The following ANKRD30B variants were observed in gnomAD, a reference collection of about 807,000 sequenced individuals.
The protein encoded by ANKRD30B is ankyrin repeat domain-containing protein 30B.
In ANKRD30B, 144 loss-of-function variants were observed where a neutral mutation model predicts 202.2. That is an observed-to-expected ratio of 0.71 (90% CI 0.62 to 0.82). The LOEUF is 0.82. Among genes scored for constraint, ANKRD30B ranks in the 40% least tolerant of loss-of-function variants. The pLI is 0.00. For missense variants in ANKRD30B, 1,487 were observed against 1,669.1 expected (o/e 0.89, Z 1.90); for synonymous variants, 508 against 561.3 (o/e 0.91, Z 1.34).
At chr18:14,789,236 G>A (rs1384507844) in intron 15 of ANKRD30B, among the ~76,000 whole-genome samples, 4 of 151,968 alleles carry the variant, frequency 2.6e-5, no homozygotes, top group Non-Finnish European at 5.9e-5. Flanking sequence ...CTTTTTGATG[G>A]GGTTGTTTTA....
chr18:14,866,851 G>T, the ANKRD30B span, among the ~76,000 whole-genome samples: 1 of 151,986 alleles, frequency 6.6e-6, no homozygotes. Context: ...GTGCGCTGTC[G>T]TGCACTACCA....
chr18:14,859,930 G>A, the ANKRD30B span, among the ~76,000 whole-genome samples: 81 of 124,390 alleles, frequency 6.5e-4, no homozygotes, highest in Non-Finnish European at 1.2e-3. Flanking sequence ...CAGATGATGG[G>A]CAGCTGGAGG....
chr18:14,889,941 C>T, the ANKRD30B span: 1 of 675,824 alleles, frequency 1.5e-6, no homozygotes, highest in Non-Finnish European at 2.6e-6. Flanking sequence ...GATATTTCGA[C>T]AAAAATGAGT....
the ANKRD30B span, among the ~76,000 whole-genome samples, chr18:14,871,295 G>A: frequency 1.4e-5 from 2 of 139,896 alleles, no homozygotes; most frequent in Non-Finnish European, 3.1e-5. Context: ...CCTAGAGCTG[G>A]GTCACATACC....
chr18:14,821,353 C>T (rs1020684248), intron 30 of ANKRD30B, among the ~76,000 whole-genome samples: 4 of 151,952 alleles, frequency 2.6e-5, no homozygotes, highest in African/African-American at 9.7e-5. Flanking sequence ...TTTTTTGTGT[C>T]TCTATTTCCT....
the ANKRD30B span, among the ~76,000 whole-genome samples, chr18:14,889,356 C>T: frequency 6.6e-6 from 1 of 152,070 alleles, no homozygotes. Flanking sequence ...ATGGAAGATA[C>T]AAGGTTAATT....
the ANKRD30B span, among the ~76,000 whole-genome samples, chr18:14,860,346 C>T: frequency 1.9e-4 from 19 of 101,738 alleles, 1 homozygote; most frequent in African/African-American, 3.5e-4. Flanking sequence ...ACTTCCCAGA[C>T]AGGGCTGCCG....
chr18:14,899,470 A>G, the ANKRD30B span, among the ~76,000 whole-genome samples: 1 of 152,164 alleles, frequency 6.6e-6, no homozygotes. Flanking sequence ...ACTTATTTTT[A>G]CAATTTATTT....
chr18:14,805,528 A>G lies in ANKRD30B; in HGVS notation c.2284+1704A>G, dbSNP rs553082162. 6.6e-5 allele frequency among the ~76,000 whole-genome samples: 10 copies of G among 150,438 alleles called. No homozygotes were observed. The East Asian group carries it at 1.4e-3, about 21-fold the overall frequency. ...AAATCAATGAATATTTATATTTAGT[A>G]TTATGCTCCAAGTATATATCCAAGC... On this transcript the variant is annotated intron_variant, in intron 24 of 43. Transcript: ENST00000690538.
At chr18:14,771,910 A>G (rs1967026459) in intron 8 of ANKRD30B, among the ~76,000 whole-genome samples, 3 of 152,180 alleles carry the variant, frequency 2.0e-5, no homozygotes. Context: ...ACTAAGAGTC[A>G]GTCTTTATTG....
chr18:14,863,387 G>A, the ANKRD30B span, among the ~76,000 whole-genome samples: 97 of 152,132 alleles, frequency 6.4e-4, no homozygotes, highest in African/African-American at 1.8e-3. Flanking sequence ...ACAGCCTGCC[G>A]TGTTCCCCTT....
intron 15 of ANKRD30B, among the ~76,000 whole-genome samples, 171 bp from the exon 16 acceptor site, chr18:14,791,230 T>C (rs1968482724): frequency 2.0e-5 from 3 of 152,194 alleles, no homozygotes; most frequent in Admixed American, 1.3e-4. Flanking sequence ...GTGGGATTGA[T>C]GGTGATTTCT....
the ANKRD30B span, among the ~76,000 whole-genome samples, chr18:14,869,867 C>T: frequency 6.6e-6 from 1 of 152,022 alleles, no homozygotes; most frequent in East Asian, 1.9e-4. Flanking sequence ...TGGGGTCTCA[C>T]TCTGTCGCCC....
At chr18:14,928,669 G>T in the ANKRD30B span, among the ~76,000 whole-genome samples, 2 of 152,184 alleles carry the variant, frequency 1.3e-5, no homozygotes, top group South Asian at 4.1e-4. Context: ...GATTGCAGAT[G>T]GAAGACTGTG....
intron 16 of ANKRD30B, among the ~76,000 whole-genome samples, chr18:14,792,226 C>G (rs1207095131): frequency 1.3e-5 from 2 of 152,130 alleles, no homozygotes; most frequent in African/African-American, 2.4e-5. Flanking sequence ...GCTGGTGGTC[C>G]TAGGACCTTG....
At chr18:14,849,479 T>A (rs1192501929) in intron 40 of ANKRD30B, among the ~76,000 whole-genome samples, 9 of 151,776 alleles carry the variant, frequency 5.9e-5, no homozygotes, top group African/African-American at 1.9e-4. Flanking sequence ...GCATGGAATA[T>A]AAAGAAAATA....
In ANKRD30B at chr18:14,809,224, A is replaced by C. The variant is rs533896537; in HGVS notation, c.2386+480A>C. On this transcript the variant is annotated intron_variant, in intron 26 of 43. Coordinates refer to ENST00000690538, the MANE Select transcript of ANKRD30B (RefSeq NM_001367607.2). ...ATGGGGATGAAGTAATTCTTTAACT[A>C]ACATCTGTATGCAGAAATACAGTAC... Among the ~76,000 whole-genome samples, 82 of 151,166 alleles carry C rather than the reference A, an allele frequency of 5.4e-4. 5 individuals are homozygous for C. The highest frequency in any genetic ancestry group is 2.0e-3 in the African/African-American group (82 of 40,980).
At chr18:14,909,013 C>T in the ANKRD30B span, among the ~76,000 whole-genome samples, 37 of 152,256 alleles carry the variant, frequency 2.4e-4, no homozygotes, top group South Asian at 5.0e-3. Context: ...GGGAAGCTGT[C>T]GGAGGATGTG....
chr18:14,864,639 CA>C, the ANKRD30B span, among the ~76,000 whole-genome samples: 1 of 151,912 alleles, frequency 6.6e-6, no homozygotes, highest in African/African-American at 2.4e-5. Context: ...TCTCCCTGGC[CA>C]GCCTTTTTTC....
Sources: gnomAD v4.1 joint callset for allele counts (sites outside exome capture counted in the v4.1 genomes callset) on GRCh38, gnomAD v4.1.1 for gene constraint, MANE v1.5 for transcripts, NCBI Gene and HGNC (gene_info 2026-07-23, HGNC 2026-07-21) for gene names.